Variants in MET observed in about 807,000 individuals in gnomAD.
The protein encoded by MET is MET proto-oncogene, receptor tyrosine kinase, also known as hepatocyte growth factor receptor.
MET carries 48 observed loss-of-function variants against 133.1 expected under a neutral mutation model. The ratio of observed to expected loss-of-function variants is 0.36; its 90% CI spans 0.29 to 0.46. The LOEUF is 0.46. Among genes scored for constraint, MET ranks in the 20% least tolerant of loss-of-function variants. The pLI is 1.00. For synonymous variants in MET, 628 were observed against 616.5 expected (o/e 1.02, Z -0.28); for missense variants, 1,442 against 1,695.9 (o/e 0.85, Z 2.63).
intron 11 of MET, among the ~76,000 whole-genome samples, chr7:116,766,555 C>A (rs1035456694): frequency 6.6e-6 from 1 of 152,132 alleles, no homozygotes; most frequent in South Asian, 2.1e-4. Flanking sequence ...CAACTCTACC[C>A]CTCAATCTCA....
rs79398475 is a variant in MET, at chr7:116,676,735, A to G, written c.-15+4158A>G. Among the ~76,000 whole-genome samples the G allele has an allele frequency of 1.9e-3, 292 of 152,316 alleles. 2 individuals carry two copies. Among genetic ancestry groups the G allele is most frequent in the African/African-American group, 6.8e-3 (282 of 41,562 alleles). On this transcript the variant is annotated intron_variant, in intron 1 of 20. Transcript: ENST00000397752. ...GGAGATAAGGAAGTGAGCCAGGCGC[A>G]TATGAGGAGCACTTCTCAGGAGTGC...
intron 2 of MET, chr7:116,724,701 G>A: frequency 1.5e-6 from 1 of 647,154 alleles, no homozygotes; most frequent in South Asian, 1.5e-5. Flanking sequence ...AGCAAGGGAA[G>A]CTTTTGGAAG....
chr7:116,722,829 T>C (rs1406352796), intron 2 of MET, among the ~76,000 whole-genome samples: 5 of 152,032 alleles, frequency 3.3e-5, no homozygotes, highest in African/African-American at 7.2e-5. Context: ...TTCTGGCTTG[T>C]AGGGTTTCTG....
intron 1 of MET, among the ~76,000 whole-genome samples, chr7:116,683,885 A>G (rs185859315): frequency 3.9e-5 from 6 of 152,310 alleles, no homozygotes; most frequent in Non-Finnish European, 7.4e-5. Flanking sequence ...GTCTTCTGTA[A>G]GGCTCCATCT....
intron 19 of MET, among the ~76,000 whole-genome samples, chr7:116,793,936 G>C (rs975513838): frequency 2.0e-5 from 3 of 151,698 alleles, no homozygotes; most frequent in Non-Finnish European, 2.9e-5. Context: ...CATGTGTACT[G>C]TTACTCCTGG....
chr7:116,739,529 A>T (rs1226016140), intron 3 of MET, among the ~76,000 whole-genome samples: 1 of 152,240 alleles, frequency 6.6e-6, no homozygotes, highest in Non-Finnish European at 1.5e-5. Context: ...CACTACTCTT[A>T]ACCATTACAT....
intron 2 of MET, among the ~76,000 whole-genome samples, chr7:116,727,360 C>T (rs1037737076): frequency 5.3e-5 from 8 of 152,186 alleles, no homozygotes; most frequent in African/African-American, 1.9e-4. Context: ...CTCACTGAGT[C>T]TCCTCCTGAG....
intron 19 of MET, among the ~76,000 whole-genome samples, chr7:116,791,384 T>C (rs1199097857): frequency 6.6e-6 from 1 of 152,180 alleles, no homozygotes; most frequent in Non-Finnish European, 1.5e-5. Flanking sequence ...TTTCTGATTG[T>C]TAGTCATTCT....
chr7:116,685,699 T>A (rs1305852593), intron 1 of MET, among the ~76,000 whole-genome samples: 1 of 151,612 alleles, frequency 6.6e-6, no homozygotes, highest in East Asian at 1.9e-4. Flanking sequence ...AAAATAAAAA[T>A]AAAAAAACCT....
rs1285814811 is a variant in MET at position 116,699,708 on chromosome 7, T to C, written c.624T>C (p.Asp208=). 14 of 1,613,930 alleles carry C rather than the reference T, an allele frequency of 8.7e-6. No individual in the cohort carries two copies. Among genetic ancestry groups the C allele is most frequent in the Non-Finnish European group, 1.2e-5 (14 of 1,179,968 alleles). Residue 208 remains aspartate (D), a synonymous_variant, in exon 2 of 21, where the codon GAT becomes GAC. Transcript: ENST00000397752. The part of the protein sequence containing the change: ...GNTINSSYFP[D]HPLHSISVRR... ...CCATAAATTCTTCTTATTTCCCAGA[T>C]CATCCATTGCATTCGATATCAGTGA...
intron 10 of MET, among the ~76,000 whole-genome samples, chr7:116,762,176 C>A (rs967934975): frequency 6.6e-5 from 10 of 152,122 alleles, no homozygotes; most frequent in Admixed American, 2.6e-4. Flanking sequence ...ATAGCAGAGG[C>A]TTTGTAAAAT....
At chr7:116,713,326 C>T (rs1028528698) in intron 2 of MET, among the ~76,000 whole-genome samples, 2 of 148,622 alleles carry the variant, frequency 1.3e-5, no homozygotes, top group African/African-American at 5.0e-5. Flanking sequence ...ACCCGGGAGG[C>T]GGAGCTTGCA....
At chr7:116,776,267 C>G (rs994078101) in intron 15 of MET, among the ~76,000 whole-genome samples, 1 of 152,152 alleles carries the variant, frequency 6.6e-6, no homozygotes, top group African/African-American at 2.4e-5. Flanking sequence ...GTCAAACACC[C>G]CAGAGCGTAA....
chr7:116,769,886 G>A lies in MET; in HGVS notation c.2730+95G>A, dbSNP rs765371714. ...AAATAAATCATTAAAGCTCATTTAT[G>A]TGTGGGTTTTGGCTCATCAACTCAG... On this transcript the variant is annotated intron_variant, in intron 12 of 20. Coordinates refer to ENST00000397752, the MANE Select transcript of MET (RefSeq NM_000245.4). 3.8e-6 allele frequency: 6 copies of A among 1,568,802 alleles called. No individual in the cohort carries two copies. The African/African-American group carries it at 4.1e-5, about 11-fold the overall frequency.
chr7:116,731,310 T>A (rs1248945324), intron 2 of MET, among the ~76,000 whole-genome samples: 1 of 152,334 alleles, frequency 6.6e-6, no homozygotes, highest in Middle Eastern at 3.4e-3. Flanking sequence ...ATTATTCCAG[T>A]TGAAATTCAT....
intron 19 of MET, among the ~76,000 whole-genome samples, chr7:116,794,448 G>A (rs546965089): frequency 3.9e-4 from 59 of 152,292 alleles, no homozygotes; most frequent in African/African-American, 1.4e-3. Flanking sequence ...TTTCTGTTGG[G>A]ATCAAGGCAG....
At chr7:116,749,262 A>T (rs966090566) in intron 5 of MET, among the ~76,000 whole-genome samples, 4 of 152,182 alleles carry the variant, frequency 2.6e-5, no homozygotes, top group Non-Finnish European at 5.9e-5. Flanking sequence ...TATCCACCAC[A>T]ATCAAGTTGG....
chr7:116,738,950 A>G (rs971197453), intron 3 of MET, among the ~76,000 whole-genome samples: 1 of 152,182 alleles, frequency 6.6e-6, no homozygotes, highest in African/African-American at 2.4e-5. Flanking sequence ...ACCCATCGCG[A>G]GTAAATGCAT....
At chr7:116,682,641 T>C (rs1796404291) in intron 1 of MET, among the ~76,000 whole-genome samples, 1 of 152,230 alleles carries the variant, frequency 6.6e-6, no homozygotes, top group Admixed American at 6.5e-5. Context: ...AGACGTTCAA[T>C]GAGAATGGAC....
Sources: allele counts gnomAD v4.1 joint callset (sites outside exome capture counted in the v4.1 genomes callset), GRCh38; gene constraint gnomAD v4.1.1; transcripts MANE v1.5; gene names NCBI Gene and HGNC (gene_info 2026-07-23, HGNC 2026-07-21).